Variants in PARD3B observed in about 807,000 individuals in gnomAD.
PARD3B encodes partitioning defective 3 homolog B.
A neutral mutation model predicts 130.2 loss-of-function variants in PARD3B; 103 were observed. The ratio of observed to expected loss-of-function variants is 0.79; its 90% CI spans 0.67 to 0.93. The LOEUF (loss-of-function observed/expected upper bound fraction) is 0.93, where lower values mean the gene tolerates loss of function less well. Ranked by LOEUF, PARD3B falls within the 40% of genes least tolerant of loss-of-function variation. The probability of loss-of-function intolerance (pLI) is 0.00; values close to 1 mark genes in which losing one functional copy is unlikely to be tolerated. For synonymous variants in PARD3B, 583 were observed against 553.2 expected (o/e 1.05, Z -0.76); for missense variants, 1,609 against 1,499.2 (o/e 1.07, Z -1.21).
intron 4 of PARD3B, among the ~76,000 whole-genome samples, chr2:205,061,583 G>T (rs1005350980): frequency 6.6e-6 from 1 of 152,090 alleles, no homozygotes; most frequent in African/African-American, 2.4e-5. Context: ...TTTGTGCCAT[G>T]CATGGTTGGA....
intron 2 of PARD3B, among the ~76,000 whole-genome samples, chr2:204,825,457 C>G (rs538869796): frequency 6.6e-6 from 1 of 152,276 alleles, no homozygotes; most frequent in African/African-American, 2.4e-5. Context: ...TGAGGTCATT[C>G]ATATGTATTT....
intron 18 of PARD3B, among the ~76,000 whole-genome samples, chr2:205,322,793 A>G (rs1290785095): frequency 6.6e-6 from 1 of 151,346 alleles, no homozygotes; most frequent in Non-Finnish European, 1.5e-5. Flanking sequence ...TGTGCCCCAA[A>G]TATCTCCCAT....
At chr2:205,004,773 G>A (rs867222850) in intron 3 of PARD3B, among the ~76,000 whole-genome samples, 1 of 152,254 alleles carries the variant, frequency 6.6e-6, no homozygotes, top group Middle Eastern at 3.4e-3. Flanking sequence ...CCAGAAATTA[G>A]ACATAAAGCA....
At chr2:205,607,744 G>A (rs1055308945) in intron 22 of PARD3B, among the ~76,000 whole-genome samples, 19 of 151,876 alleles carry the variant, frequency 1.3e-4, no homozygotes, top group African/African-American at 4.3e-4. Flanking sequence ...TTCTGCTTCT[G>A]AATTTCAGAG....
intron 20 of PARD3B, among the ~76,000 whole-genome samples, chr2:205,451,024 T>C (rs2048082513): frequency 6.6e-6 from 1 of 152,180 alleles, no homozygotes; most frequent in South Asian, 2.1e-4. Flanking sequence ...GAGCTGTCAA[T>C]AACAACAGTG....
intron 1 of PARD3B, among the ~76,000 whole-genome samples, chr2:204,643,864 A>G (rs2035180635): frequency 6.6e-6 from 1 of 152,202 alleles, no homozygotes. Flanking sequence ...CTTGATGACT[A>G]GTCCCTCCTG....
At chr2:204,778,674 C>A (rs768579200) in intron 2 of PARD3B, among the ~76,000 whole-genome samples, 1 of 152,148 alleles carries the variant, frequency 6.6e-6, no homozygotes, top group Non-Finnish European at 1.5e-5. Context: ...CTGCCAAGTC[C>A]TGTTGATGGT....
intron 18 of PARD3B, among the ~76,000 whole-genome samples, chr2:205,303,323 T>C (rs2042078120): frequency 6.6e-6 from 1 of 152,178 alleles, no homozygotes; most frequent in South Asian, 2.1e-4. Context: ...CAAGGAATCT[T>C]TGTGGCTACT....
rs200867052 is a variant in PARD3B, at chr2:205,615,736, C to T, written c.3541C>T (p.Arg1181Cys). Residue 1181 changes from arginine (R) to cysteine (C), a missense_variant, in exon 23 of 23, where the codon CGT (arginine) becomes TGT (cysteine). Arg to Cys is a radical substitution (Grantham distance 180, BLOSUM62 -3). Transcript: ENST00000406610. ...TCAGGAAACAGGCAGACCAGGGCCC[C>T]GTGGGGGCAGCCCAGACCAGTACCC... ...AYQETGRPGPRGGSPDQYPYR... is the reference protein window; with the variant it reads ...AYQETGRPGPCGGSPDQYPYR... The T allele has an allele frequency of 5.1e-5, 82 of 1,614,100 alleles. No individual in the cohort carries two copies. The African/African-American group carries it at 7.2e-4, about 14-fold the overall frequency.
At chr2:204,699,735 C>CTA (rs1484038742) in intron 2 of PARD3B, among the ~76,000 whole-genome samples, 2 of 152,058 alleles carry the variant, frequency 1.3e-5, no homozygotes, top group Non-Finnish European at 2.9e-5. Flanking sequence ...CATCAACACT[C>CTA]AAACTATTTA....
At chr2:204,629,252 A>G (rs2034597849) in intron 1 of PARD3B, among the ~76,000 whole-genome samples, 2 of 152,212 alleles carry the variant, frequency 1.3e-5, no homozygotes, top group African/African-American at 4.8e-5. Flanking sequence ...AAAATCTGCA[A>G]ATAAGAGCAA....
intron 21 of PARD3B, among the ~76,000 whole-genome samples, chr2:205,535,277 G>A (rs143776079): frequency 6.6e-6 from 1 of 152,180 alleles, no homozygotes; most frequent in African/African-American, 2.4e-5. Flanking sequence ...TTGTGCAGCT[G>A]TGCCTTAGAG....
chr2:205,003,111 C>A (rs934952116), intron 3 of PARD3B, among the ~76,000 whole-genome samples: 6 of 152,082 alleles, frequency 3.9e-5, no homozygotes, highest in Non-Finnish European at 8.8e-5. Flanking sequence ...GGCTCCTGGT[C>A]CCCTTCCATC....
chr2:204,788,625 T>C (rs2125468799), intron 2 of PARD3B, among the ~76,000 whole-genome samples: 1 of 152,292 alleles, frequency 6.6e-6, no homozygotes, highest in South Asian at 2.1e-4. Context: ...CAGCAAGGAA[T>C]CCAGAATCGT....
At chr2:204,982,962 C>A (rs1387774747) in intron 3 of PARD3B, among the ~76,000 whole-genome samples, 1 of 152,132 alleles carries the variant, frequency 6.6e-6, no homozygotes, top group East Asian at 1.9e-4. Flanking sequence ...AAATCTAGAA[C>A]AACTAAAAAT....
In PARD3B at chr2:204,689,558, C is replaced by T. The variant is rs964714770; in HGVS notation, c.222+3276C>T. Among the ~76,000 whole-genome samples, 1 of 152,058 alleles carries T rather than the reference C, an allele frequency of 6.6e-6. No individual in the cohort carries two copies. Among genetic ancestry groups the T allele is most frequent in the Non-Finnish European group, 1.5e-5 (1 of 68,022 alleles). ...GAATTGTAATTTTACACTCATGTCT[C>T]CTCTCTGGTTGCTAAAGGCTACCAA... On this transcript the variant is annotated intron_variant, in intron 2 of 22. Coordinates refer to ENST00000406610, the MANE Select transcript of PARD3B (RefSeq NM_001302769.2). This position sits in a 1 kb window ranked among gnomAD's most constrained non-coding sequence, Gnocchi z 5.2.
chr2:205,120,769 A>G (rs1331089465), intron 7 of PARD3B, among the ~76,000 whole-genome samples: 1 of 152,194 alleles, frequency 6.6e-6, no homozygotes, highest in Non-Finnish European at 1.5e-5. Context: ...GAGAAACAGG[A>G]GAACAATAAA....
At chr2:204,804,769 A>G (rs1313443354) in intron 2 of PARD3B, among the ~76,000 whole-genome samples, 1 of 152,216 alleles carries the variant, frequency 6.6e-6, no homozygotes, top group African/African-American at 2.4e-5. Context: ...AAAACAATGA[A>G]ATAATATCAA....
chr2:204,752,125 T>C (rs1415628287), intron 2 of PARD3B, among the ~76,000 whole-genome samples: 2 of 152,202 alleles, frequency 1.3e-5, no homozygotes, highest in African/African-American at 4.8e-5. Flanking sequence ...CCTTATATCA[T>C]CCTAAAACAT....
Sources: gnomAD v4.1 joint callset for allele counts (sites outside exome capture counted in the v4.1 genomes callset) on GRCh38, gnomAD v4.1.1 for gene constraint, Gnocchi (gnomAD v3.1) non-coding constraint, MANE v1.5 for transcripts, NCBI Gene and HGNC (gene_info 2026-07-23, HGNC 2026-07-21) for gene names.